The following SPTBN5 variants were observed in gnomAD, a reference collection of about 807,000 sequenced individuals.
SPTBN5 encodes spectrin beta, non-erythrocytic 5.
A neutral mutation model predicts 477.6 loss-of-function variants in SPTBN5; 513 were observed. That is an observed-to-expected ratio of 1.07 (90% CI 1.00 to 1.16). The LOEUF (loss-of-function observed/expected upper bound fraction) is 1.16. Ranked by LOEUF, SPTBN5 falls within the 50% of genes most tolerant of loss-of-function variation. SPTBN5 has a pLI of 0.00. For synonymous variants in SPTBN5, 2,169 were observed against 2,011.7 expected (o/e 1.08, Z -2.09); for missense variants, 5,062 against 4,731.8 (o/e 1.07, Z -2.05).
intron 49 of SPTBN5, among the ~76,000 whole-genome samples, 159 bp from the exon 50 acceptor site, chr15:41,857,869 C>T (rs1173213431): frequency 4.6e-5 from 7 of 152,144 alleles, no homozygotes; most frequent in Non-Finnish European, 7.3e-5. Flanking sequence ...TTTCCTCATC[C>T]GTATCATAGA....
intron 62 of SPTBN5, 155 bp from the exon 63 acceptor site, chr15:41,852,005 T>C (rs1321920735): frequency 4.4e-6 from 4 of 913,540 alleles, no homozygotes; most frequent in East Asian, 2.6e-5. Context: ...AGATCGGGCA[T>C]GTTCAGGGTG....
In SPTBN5 at chr15:41,854,127, C is replaced by T. The variant is rs192281096; in HGVS notation, c.9697G>A (p.Ala3233Thr). 2 of 1,590,738 alleles carry T rather than the reference C, an allele frequency of 1.3e-6. No individual in the cohort carries two copies. Among genetic ancestry groups the T allele is most frequent in the Non-Finnish European group, 1.7e-6 (2 of 1,169,260 alleles). Residue 3233 changes from alanine to threonine, a missense_variant, in exon 57 of 68, where the codon GCC becomes ACC. Coordinates refer to ENST00000320955, the MANE Select transcript of SPTBN5 (RefSeq NM_016642.4). ...CCTCCGTCCTCCCCCTTCATCAGGG[C>T]CGTCTTCTCCTGCATCCTTCCCTGG... The part of the protein sequence containing the change: ...ELQGRMQEKT[A>T]LMKGEDGGHS...
rs1438911025 is a variant in SPTBN5 at position 41,887,335 on chromosome 15, C to G, written c.766G>C (p.Asp256His). Residue 256 changes from aspartate to histidine, a missense_variant, in exon 6 of 68, where the codon GAC (aspartate) becomes CAC (histidine). Transcript: ENST00000320955. ...TGTGCGGCTGCCACGTCCTCGGGGT[C>G]CAGCAGCTGAGCAATGCCCAGCTCC... ...EQELGIAQLL[D>H]PEDVAAAQPD... The G allele has an allele frequency of 1.3e-6, 2 of 1,551,922 alleles. No individual in the cohort carries two copies. Among genetic ancestry groups the G allele is most frequent in the Non-Finnish European group, 1.7e-6 (2 of 1,147,358 alleles).
chr15:41,848,244 A>G lies in SPTBN5; in HGVS notation c.*372T>C, dbSNP rs1375328507. 7 of 494,598 alleles carry G rather than the reference A, an allele frequency of 1.4e-5. No homozygotes were observed. Among genetic ancestry groups the G allele is most frequent in the African/African-American group, 1.2e-4 (6 of 51,706 alleles). The allele number at this position is 494,598 out of a possible 1,614,324, so 30.6% of individuals were successfully genotyped here. Reference sequence around the variant, plus strand: ...AGGGCTGGTACAGAGCTCGCTCATCAGTGTTCTTCCTCCGAAGAGCACATT... The same window carrying G: ...AGGGCTGGTACAGAGCTCGCTCATCGGTGTTCTTCCTCCGAAGAGCACATT... On this transcript the variant is annotated 3_prime_UTR_variant, in exon 68 of 68. Coordinates refer to ENST00000320955, the MANE Select transcript of SPTBN5 (RefSeq NM_016642.4).
rs1432304401 is a variant in SPTBN5, at chr15:41,877,121, G to A, written c.3706C>T (p.Leu1236Phe). ...TCCACATTCCTGCTCCATACCCCAA[G>A]GTTGTCCAGGTGCAGCCAGGCCTGG... ...NHQAWLHLDN[L>F]GEDVREALSL... The change falls in exon 18 of 68, where the codon CTT becomes TTT. Residue 1236 changes from leucine (L) to phenylalanine (F), a missense_variant. By Grantham distance (22) the Leu-to-Phe change is conservative. Coordinates refer to ENST00000320955, the MANE Select transcript of SPTBN5 (RefSeq NM_016642.4). 1 of 1,613,866 alleles carries A rather than the reference G, an allele frequency of 6.2e-7. No homozygotes were observed. Among genetic ancestry groups the A allele is most frequent in the African/African-American group, 1.3e-5 (1 of 75,060 alleles).
At chr15:41,878,652 C>A in intron 16 of SPTBN5, 23 bp from the exon 17 acceptor site, 1 of 1,599,584 alleles carries the variant, frequency 6.3e-7, no homozygotes, top group Admixed American at 1.7e-5. Flanking sequence ...GTGCGCTGCA[C>A]AGTCAGTGCC....
At position 41,855,366 on chromosome 15, in the gene SPTBN5, G is replaced by A. The variant is rs200637072; in HGVS notation, c.9281C>T (p.Ala3094Val). The part of the protein sequence containing the change: ...REAHAELLRR[A>V]EARGHGLQEQ... ...CTGCAGGCCGTGCCCCCTGGCCTCC[G>A]CCCTCCGCAGCAGCTCTGCGTGGGC... Residue 3094 changes from alanine (A) to valine (V), a missense_variant, in exon 55 of 68, where the codon GCG (alanine) becomes GTG (valine). Transcript: ENST00000320955. 1.2e-4 allele frequency: 189 copies of A among 1,604,908 alleles called. No individual in the cohort carries two copies. The highest frequency in any genetic ancestry group is 1.3e-4 in the Non-Finnish European group (159 of 1,179,584).
chr15:41,882,577 G>A lies in SPTBN5; in HGVS notation c.2046+8C>T, dbSNP rs1029033983. The stretch of plus-strand genomic sequence containing the variant: ...GGCGACCGGCGGGCGCGCTCGGGGA[G>A]CTGACACCTTGTGTTTCTGCAGGGC... On this transcript the variant is annotated splice_region_variant and intron_variant, in intron 10 of 67. Coordinates refer to ENST00000320955, the MANE Select transcript of SPTBN5 (RefSeq NM_016642.4). The A allele has an allele frequency of 3.8e-6, 6 of 1,592,942 alleles. No homozygotes were observed. In the African/African-American group the frequency reaches 4.0e-5, roughly 11 times the overall value.
chr15:41,848,720 A>G (rs1482515938), intron 67 of SPTBN5, 92 bp from the exon 68 acceptor site: 1 of 1,447,456 alleles, frequency 6.9e-7, no homozygotes, highest in Non-Finnish European at 9.7e-7. Context: ...CCTCCCCTGG[A>G]CCAGCCAGCC....
chr15:41,886,237 C>T lies in SPTBN5; in HGVS notation c.1018G>A (p.Ala340Thr), dbSNP rs201188418. The change falls in exon 7 of 68, where the codon GCC becomes ACC. Residue 340 changes from alanine (A) to threonine (T), a missense_variant. Transcript: ENST00000320955. ...AATGCTGCCAGTAGCTGCCGCATGG[C>T]GGGCAGCGAGTCTGGAAAATCCCGC... ...EARDFPDSLP[A>T]MRQLLAAFTI... The T allele has an allele frequency of 4.0e-4, 647 of 1,612,962 alleles. No homozygotes were observed. Among genetic ancestry groups the T allele is most frequent in the Middle Eastern group, 2.1e-3 (13 of 6,084 alleles).
chr15:41,870,643 G>A (rs1018944849), intron 29 of SPTBN5, 83 bp from the exon 30 acceptor site: 22 of 1,154,462 alleles, frequency 1.9e-5, no homozygotes, highest in East Asian at 7.6e-5. Flanking sequence ...TGGTCAGCCC[G>A]CTCCTCTCTG....
chr15:41,874,276 A>C lies in SPTBN5; in HGVS notation c.4689+16T>G, dbSNP rs762679369. ...AGCGGATGTCGGTAATCCTGTAGGA[A>C]GAAGAGGGCTATTACCTTGTGCTTG... On this transcript the variant is annotated intron_variant, in intron 24 of 67. Transcript: ENST00000320955. 1.3e-6 allele frequency: 2 copies of C among 1,597,530 alleles called. No homozygotes were observed. Among genetic ancestry groups the C allele is most frequent in the Admixed American group, 1.7e-5 (1 of 58,318 alleles).
Position 41,858,997 on chromosome 15 carries a change from C to G in SPTBN5, c.7989-17G>C, listed in dbSNP as rs572736474. On this transcript the variant is annotated splice_polypyrimidine_tract_variant and intron_variant, in intron 47 of 67. Coordinates refer to ENST00000320955, the MANE Select transcript of SPTBN5 (RefSeq NM_016642.4). ...GCCTCCTTCCTGCCAGGAGGAGAGGCTCATGGGCCTGGAGCCACCCCCGGG... is the reference window on the plus strand; with the variant it reads ...GCCTCCTTCCTGCCAGGAGGAGAGGGTCATGGGCCTGGAGCCACCCCCGGG... The G allele has an allele frequency of 1.2e-5, 18 of 1,516,812 alleles. No homozygotes were observed. Among genetic ancestry groups the G allele is most frequent in the Non-Finnish European group, 1.5e-5 (17 of 1,133,150 alleles). 94.0% of individuals were successfully genotyped at this position (1,516,812 alleles called of 1,614,324 possible).
In SPTBN5 at chr15:41,848,270, C is replaced by G; in HGVS notation, c.*346G>C. On this transcript the variant is annotated 3_prime_UTR_variant, in exon 68 of 68. Transcript: ENST00000320955. ...GTGTTCTTCCTCCGAAGAGCACATT[C>G]TCTGCACACGTCTGCGTCTACCTGT... The G allele has an allele frequency of 2.0e-6, 1 of 504,852 alleles. No homozygotes were observed. Among genetic ancestry groups the G allele is most frequent in the Non-Finnish European group, 3.6e-6 (1 of 278,100 alleles). 31.3% of individuals were successfully genotyped at this position (504,852 alleles called of 1,614,324 possible).
In SPTBN5 at chr15:41,861,868, T is replaced by C. The variant is rs1244911560; in HGVS notation, c.7604A>G (p.Gln2535Arg). 1 of 1,608,542 alleles carries C rather than the reference T, an allele frequency of 6.2e-7. No individual in the cohort carries two copies. The highest frequency in any genetic ancestry group is 1.1e-5 in the South Asian group (1 of 90,686). The change falls in exon 45 of 68, where the codon CAA becomes CGA. Residue 2535 changes from glutamine to arginine, a missense_variant. Physicochemically the swap from Gln to Arg is conservative, Grantham distance 43. Coordinates refer to ENST00000320955, the MANE Select transcript of SPTBN5 (RefSeq NM_016642.4). ...SISLARSTGQQLLTAGHPFSS... is the reference protein window; with the variant it reads ...SISLARSTGQRLLTAGHPFSS... ...GAAGGGGTGCCCCGCTGTGAGCAGTTGCTGCCCAGTGCTTCGGGCCAGGCT... is the reference window on the plus strand; with the variant it reads ...GAAGGGGTGCCCCGCTGTGAGCAGTCGCTGCCCAGTGCTTCGGGCCAGGCT...
Position 41,858,768 on chromosome 15 carries a change from A to G in SPTBN5, c.8080-20T>C. The G allele has an allele frequency of 1.2e-6, 2 of 1,605,176 alleles. No homozygotes were observed. Among genetic ancestry groups the G allele is most frequent in the Non-Finnish European group, 1.7e-6 (2 of 1,176,060 alleles). ...AGCCACCTGGGCACATGGGGAGGAC[A>G]GGCCTGCTGTCCAGGGCTTTCCCCT... is the stretch of plus-strand genomic sequence containing the variant. On this transcript the variant is annotated intron_variant, in intron 48 of 67. Transcript: ENST00000320955.
Position 41,879,250 on chromosome 15 carries a change from C to A in SPTBN5, c.3182+10G>T. On this transcript the variant is annotated intron_variant, in intron 16 of 67. Coordinates refer to ENST00000320955, the MANE Select transcript of SPTBN5 (RefSeq NM_016642.4). ...ACTGCCTCCCAATGCCACCACTGCG[C>A]TGGCCGTACTTTACGACCACACTTT... The A allele has an allele frequency of 6.2e-7, 1 of 1,604,844 alleles. No homozygotes were observed. The highest frequency in any genetic ancestry group is 8.5e-7 in the Non-Finnish European group (1 of 1,175,200).
intron 3 of SPTBN5, among the ~76,000 whole-genome samples, chr15:41,891,281 CA>C (rs769468156): frequency 2.0e-5 from 3 of 152,216 alleles, no homozygotes; most frequent in Non-Finnish European, 4.4e-5. Context: ...ACCTGAAGGG[CA>C]ACTGGCTTCA....
intron 2 of SPTBN5, 75 bp from the exon 3 acceptor site, chr15:41,893,136 C>T (rs1273965321): frequency 3.6e-5 from 57 of 1,570,534 alleles, no homozygotes; most frequent in East Asian, 4.6e-5. Context: ...CTGAGAGGTA[C>T]GACCCAGAGC....
Sources: gnomAD v4.1 joint callset for allele counts (sites outside exome capture counted in the v4.1 genomes callset) on GRCh38, gnomAD v4.1.1 for gene constraint, MANE v1.5 for transcripts, NCBI Gene and HGNC (gene_info 2026-07-23, HGNC 2026-07-21) for gene names.